DST: variants seen among roughly 807,000 people sequenced by gnomAD.
DST encodes dystonin.
In DST, 253 loss-of-function variants were observed where a neutral mutation model predicts 875.2. The ratio of observed to expected loss-of-function variants is 0.29; its 90% CI spans 0.26 to 0.32. The LOEUF (loss-of-function observed/expected upper bound fraction) is 0.32, where lower values mean the gene tolerates loss of function less well. Among genes scored for constraint, DST ranks in the 10% least tolerant of loss-of-function variants. The pLI is 1.00. For missense variants in DST, 8,287 were observed against 9,111.6 expected (o/e 0.91, Z 3.68); for synonymous variants, 3,124 against 3,197.1 (o/e 0.98, Z 0.77).
chr6:56,837,910 T>A (rs2099795576), intron 4 of DST, among the ~76,000 whole-genome samples: 2 of 119,056 alleles, frequency 1.7e-5, no homozygotes, highest in Admixed American at 7.8e-5. Flanking sequence ...AAAATTGCAT[T>A]AAAGGACAAG....
chr6:56,692,557 T>C (rs2099237878), intron 9 of DST: 2 of 1,289,774 alleles, frequency 1.6e-6, no homozygotes, highest in Non-Finnish European at 2.0e-6. Context: ...AAACCCACTT[T>C]TTTCGAGTGA....
In DST at chr6:56,593,884, C is replaced by T; in HGVS notation, c.12505G>A (p.Gly4169Ser). The change falls in exon 48 of 104, where the codon GGT (glycine) becomes AGT (serine). Residue 4169 changes from glycine to serine, a missense_variant. Gly to Ser is a moderately conservative substitution (Grantham distance 56). Around this residue, in one of 10 missense-constraint regions of DST, gnomAD observed 1,513 missense variants for 1,677.8 expected, o/e 0.90. Transcript: ENST00000680361. ...NLEAGADDIN[G>S]LMTKLKRQKS... ...TGCCTCTTCAATTTGGTCATTAAAC[C>T]ATTGATGTCATCTGCACCTGCCTCC... The T allele has an allele frequency of 1.2e-6, 2 of 1,613,898 alleles. 1 individual carries two copies. The highest frequency in any genetic ancestry group is 2.2e-5 in the South Asian group (2 of 91,066).
rs373606530 is a variant in DST, at chr6:56,592,372, G to A, written c.12727-14C>T. On this transcript the variant is annotated splice_polypyrimidine_tract_variant and intron_variant, in intron 48 of 103. Coordinates refer to ENST00000680361, the MANE Select transcript of DST (RefSeq NM_001374736.1). ...AAGAACATTGCACTAACAATCAAAA[G>A]AGAAAAGGGGTAGGAGATTAAAACC... is the stretch of plus-strand genomic sequence containing the variant. 5.7e-6 allele frequency: 9 copies of A among 1,571,370 alleles called. No individual in the cohort carries two copies. Among genetic ancestry groups the A allele is most frequent in the African/African-American group, 1.4e-5 (1 of 74,022 alleles).
intron 97 of DST, among the ~76,000 whole-genome samples, chr6:56,469,332 C>A: frequency 6.7e-6 from 1 of 149,274 alleles, no homozygotes. Context: ...CTAGCTACTA[C>A]ATATAAGAGA....
At chr6:56,478,332 A>G (rs1229865141) in intron 90 of DST, among the ~76,000 whole-genome samples, 1 of 152,074 alleles carries the variant, frequency 6.6e-6, no homozygotes, top group Non-Finnish European at 1.5e-5. Context: ...TGCAGTAAAA[A>G]GTGAAGGGGA....
intron 4 of DST, among the ~76,000 whole-genome samples, chr6:56,825,051 T>C (rs1025404991): frequency 1.1e-4 from 17 of 152,222 alleles, no homozygotes; most frequent in Admixed American, 2.0e-4. Context: ...TTTTGTGGAA[T>C]AGAAAGGGCG....
chr6:56,782,507 G>C (rs2099696154), intron 4 of DST, among the ~76,000 whole-genome samples: 1 of 152,226 alleles, frequency 6.6e-6, no homozygotes, highest in Admixed American at 6.5e-5. Flanking sequence ...TAGTTTATTT[G>C]CATAGAGGTG....
At chr6:56,693,186 C>T (rs2099243754) in intron 9 of DST, 1 of 1,241,834 alleles carries the variant, frequency 8.1e-7, no homozygotes, top group Non-Finnish European at 1.0e-6. Context: ...TAGATTCACT[C>T]ATTTCAAAAT....
At chr6:56,620,316 T>A (rs769025516) in intron 36 of DST, 3 of 1,614,156 alleles carry the variant, frequency 1.9e-6, no homozygotes, top group Non-Finnish European at 8.5e-7. Flanking sequence ...TCCAACTGAT[T>A]GCGAAAATTC....
intron 99 of DST, among the ~76,000 whole-genome samples, chr6:56,465,834 T>C (rs2094550295): frequency 6.9e-6 from 1 of 144,892 alleles, no homozygotes; most frequent in African/African-American, 2.6e-5. Context: ...TGGATTCTAG[T>C]ATTTCCCGCC....
chr6:56,650,707 T>A (rs2098970923), intron 12 of DST, among the ~76,000 whole-genome samples: 2 of 152,190 alleles, frequency 1.3e-5, no homozygotes, highest in Non-Finnish European at 2.9e-5. Flanking sequence ...AATAGCCTCT[T>A]TTATTTATGA....
intron 92 of DST, among the ~76,000 whole-genome samples, chr6:56,475,685 C>T (rs569848271): frequency 6.6e-6 from 1 of 152,258 alleles, no homozygotes; most frequent in East Asian, 1.9e-4. Flanking sequence ...GCAGAGCAAT[C>T]AAACCTTGTT....
At chr6:56,777,880 T>A (rs1171017503) in intron 4 of DST, among the ~76,000 whole-genome samples, 2 of 151,904 alleles carry the variant, frequency 1.3e-5, no homozygotes, top group African/African-American at 2.4e-5. Context: ...GCGTTTCTGT[T>A]TTTGTAGAGA....
intron 69 of DST, among the ~76,000 whole-genome samples, chr6:56,521,827 C>T (rs1562532798): frequency 6.6e-6 from 1 of 151,930 alleles, no homozygotes; most frequent in African/African-American, 2.4e-5. Context: ...AAACATATTT[C>T]TAATGGACCA....
At chr6:56,516,542 AAT>A (rs2096598927) in intron 71 of DST, among the ~76,000 whole-genome samples, 1 of 152,134 alleles carries the variant, frequency 6.6e-6, no homozygotes. Context: ...TACTCTTTAA[AAT>A]ATGATTTTAG....
At chr6:56,907,098 A>T (rs1005881242) in intron 2 of DST, among the ~76,000 whole-genome samples, 2 of 152,162 alleles carry the variant, frequency 1.3e-5, no homozygotes, top group African/African-American at 2.4e-5. Context: ...GACTGTGAAT[A>T]TTACATGGAG....
chr6:56,573,581 T>G (rs1329022051), intron 51 of DST, 98 bp downstream of exon 51: 1 of 867,050 alleles, frequency 1.2e-6, no homozygotes, highest in East Asian at 2.5e-5. Context: ...GTCTCTTTTT[T>G]GTGTCCTTAA....
At chr6:56,603,070 A>C in intron 42 of DST, 39 bp from the exon 43 acceptor site, 1 of 1,548,048 alleles carries the variant, frequency 6.5e-7, no homozygotes, top group Non-Finnish European at 8.7e-7. Flanking sequence ...TCTTTCCCCA[A>C]AATGTCAAAT....
intron 5 of DST, among the ~76,000 whole-genome samples, chr6:56,706,026 T>C (rs1240524361): frequency 6.6e-6 from 1 of 152,190 alleles, no homozygotes; most frequent in African/African-American, 2.4e-5. Flanking sequence ...AACCTGTAAA[T>C]ACGCCATGCT....
Sources: gnomAD v4.1 joint callset for allele counts (sites outside exome capture counted in the v4.1 genomes callset) on GRCh38, gnomAD v4.1.1 for gene constraint, gnomAD v4.1.1 regional missense constraint, MANE v1.5 for transcripts, NCBI Gene and HGNC (gene_info 2026-07-23, HGNC 2026-07-21) for gene names.